WDR7: variants seen among roughly 807,000 people sequenced by gnomAD.
The protein encoded by WDR7 is WD repeat domain 7.
Under a neutral mutation model 169.4 loss-of-function variants are expected in WDR7, and 46 were observed. That is an observed-to-expected ratio of 0.27 (90% CI 0.21 to 0.35). WDR7 has a LOEUF of 0.35. Among genes scored for constraint, WDR7 ranks in the 10% least tolerant of loss-of-function variants. The pLI is 1.00. For missense variants in WDR7, 1,534 were observed against 1,859.3 expected (o/e 0.83, Z 3.22); for synonymous variants, 612 against 666.8 (o/e 0.92, Z 1.27).
intron 14 of WDR7, among the ~76,000 whole-genome samples, chr18:56,745,339 C>T (rs771348021): frequency 2.0e-4 from 30 of 152,162 alleles, no homozygotes; most frequent in Non-Finnish European, 3.2e-4. Flanking sequence ...CATTACTCTA[C>T]GGTTCATAAT....
intron 21 of WDR7, among the ~76,000 whole-genome samples, chr18:56,887,014 A>C (rs1030424178): frequency 2.0e-5 from 3 of 152,158 alleles, no homozygotes; most frequent in African/African-American, 7.2e-5. Flanking sequence ...ATAGCAACAC[A>C]ATAATAATGG....
At chr18:56,753,492 CAA>C (rs1346394718) in intron 14 of WDR7, among the ~76,000 whole-genome samples, 1 of 152,044 alleles carries the variant, frequency 6.6e-6, no homozygotes, top group Non-Finnish European at 1.5e-5. Flanking sequence ...ATAAATGTGG[CAA>C]AGACATACAA....
chr18:56,818,273 T>A (rs2045019889), intron 20 of WDR7, among the ~76,000 whole-genome samples: 2 of 152,240 alleles, frequency 1.3e-5, no homozygotes, highest in African/African-American at 4.8e-5. Flanking sequence ...CAAGTAAGCA[T>A]TATTAAATCA....
At chr18:56,794,271 C>G (rs1349145642) in intron 19 of WDR7, among the ~76,000 whole-genome samples, 1 of 112,398 alleles carries the variant, frequency 8.9e-6, no homozygotes, top group African/African-American at 3.1e-5. Context: ...ATTGCCTTAT[C>G]TGTAAATGTT....
At chr18:56,673,595 G>C (rs1431954791) in intron 2 of WDR7, among the ~76,000 whole-genome samples, 1 of 152,010 alleles carries the variant, frequency 6.6e-6, no homozygotes, top group African/African-American at 2.4e-5. Flanking sequence ...GCACTTTGTG[G>C]GGCTGAGGTG....
chr18:56,832,477 G>A (rs895758794), intron 20 of WDR7, among the ~76,000 whole-genome samples: 7 of 152,330 alleles, frequency 4.6e-5, no homozygotes, highest in Admixed American at 2.6e-4. Flanking sequence ...CCAGCACAGC[G>A]CTAGAGCTCT....
chr18:56,691,187 T>C, intron 7 of WDR7, 29 bp from the exon 8 acceptor site: 7 of 1,595,994 alleles, frequency 4.4e-6, no homozygotes, highest in Non-Finnish European at 6.0e-6. Context: ...CAATATGGAG[T>C]AGATTGTGAA....
chr18:56,888,509 A>G (rs1375779287), intron 21 of WDR7, among the ~76,000 whole-genome samples: 1 of 152,224 alleles, frequency 6.6e-6, no homozygotes, highest in East Asian at 1.9e-4. Flanking sequence ...CATCTCCTTC[A>G]TCACCTTCCG....
intron 26 of WDR7, among the ~76,000 whole-genome samples, chr18:56,996,966 C>A (rs1348878722): frequency 1.3e-5 from 2 of 151,982 alleles, no homozygotes; most frequent in African/African-American, 2.4e-5. Context: ...GAAAAAAAAA[C>A]TGGATCTTTT....
At chr18:56,707,431 T>G (rs1307844398) in intron 12 of WDR7, among the ~76,000 whole-genome samples, 5 of 151,938 alleles carry the variant, frequency 3.3e-5, no homozygotes, top group Non-Finnish European at 5.9e-5. Flanking sequence ...GTTTTGTTTT[T>G]TTTTTTTTTT....
At chr18:56,805,735 C>T (rs979671200) in intron 19 of WDR7, among the ~76,000 whole-genome samples, 1 of 151,966 alleles carries the variant, frequency 6.6e-6, no homozygotes, top group East Asian at 1.9e-4. Context: ...GCCCTAGCAA[C>T]CTTGTAATTA....
At chr18:56,673,323 G>A (rs1443192630) in intron 2 of WDR7, among the ~76,000 whole-genome samples, 1 of 152,144 alleles carries the variant, frequency 6.6e-6, no homozygotes, top group Non-Finnish European at 1.5e-5. Context: ...AAATGGAGTG[G>A]TAGCTGGTAT....
At chr18:56,909,539 C>T (rs1197365150) in intron 21 of WDR7, among the ~76,000 whole-genome samples, 2 of 152,020 alleles carry the variant, frequency 1.3e-5, no homozygotes, top group African/African-American at 4.8e-5. Context: ...AATACTTTGA[C>T]AGCCTTATTT....
intron 14 of WDR7, among the ~76,000 whole-genome samples, chr18:56,737,682 T>A (rs1452761837): frequency 6.6e-6 from 1 of 152,202 alleles, no homozygotes; most frequent in Non-Finnish European, 1.5e-5. Context: ...ACTAAGAACA[T>A]AGTCTGTGTT....
At chr18:56,681,014 T>C (rs2144569604) in intron 3 of WDR7, among the ~76,000 whole-genome samples, 1 of 152,158 alleles carries the variant, frequency 6.6e-6, no homozygotes, top group African/African-American at 2.4e-5. Flanking sequence ...TGGAAAGCCT[T>C]GCATTGGTTC....
At chr18:56,976,366 T>C (rs2047566292) in intron 26 of WDR7, among the ~76,000 whole-genome samples, 2 of 152,110 alleles carry the variant, frequency 1.3e-5, no homozygotes, top group African/African-American at 4.8e-5. Context: ...AACGGAAAGA[T>C]TTAGTTTAGG....
chr18:57,017,709 C>A (rs1417564169), intron 26 of WDR7, among the ~76,000 whole-genome samples: 1 of 152,058 alleles, frequency 6.6e-6, no homozygotes, highest in Non-Finnish European at 1.5e-5. Flanking sequence ...AGTTTCCTGG[C>A]AGTAAAGCAA....
At chr18:56,774,871 T>G (rs1331342273) in intron 16 of WDR7, among the ~76,000 whole-genome samples, 1 of 152,082 alleles carries the variant, frequency 6.6e-6, no homozygotes, top group Non-Finnish European at 1.5e-5. Flanking sequence ...CCCATAAAAT[T>G]TATTAAAGGA....
chr18:56,873,102 AGGGACTCCTTTCCT>A, intron 20 of WDR7, among the ~76,000 whole-genome samples: 1 of 152,286 alleles, frequency 6.6e-6, no homozygotes, highest in South Asian at 2.1e-4. Context: ...TGTCTCCTTT[AGGGACTCCTTTCCT>A]TGTTCTTTTT....
Sources: gnomAD v4.1 joint callset for allele counts (sites outside exome capture counted in the v4.1 genomes callset) on GRCh38, gnomAD v4.1.1 for gene constraint, MANE v1.5 for transcripts, NCBI Gene and HGNC (gene_info 2026-07-23, HGNC 2026-07-21) for gene names.